CDH10: variants seen among roughly 807,000 people sequenced by gnomAD.
CDH10 encodes the protein cadherin-10.
In CDH10, 30 loss-of-function variants were observed where a neutral mutation model predicts 73.1. The ratio of observed to expected loss-of-function variants is 0.41; its 90% CI spans 0.31 to 0.56. CDH10 has a LOEUF of 0.56. Ranked by LOEUF, CDH10 falls within the 20% of genes least tolerant of loss-of-function variation. The pLI is 0.27. For synonymous variants in CDH10, 345 were observed against 348.2 expected (o/e 0.99, Z 0.10); for missense variants, 815 against 973.7 (o/e 0.84, Z 2.17).
At chr5:24,578,825 G>T (rs902940940) in intron 2 of CDH10, among the ~76,000 whole-genome samples, 7 of 152,090 alleles carry the variant, frequency 4.6e-5, no homozygotes, top group Admixed American at 2.0e-4. Flanking sequence ...CTGCCTACCT[G>T]ATTTTATGTG....
At chr5:24,623,110 T>G (rs150615312) in intron 1 of CDH10, among the ~76,000 whole-genome samples, 3 of 152,152 alleles carry the variant, frequency 2.0e-5, no homozygotes, top group Non-Finnish European at 4.4e-5. Flanking sequence ...CTTTGTGTCA[T>G]GCAGGAAGAA....
intron 1 of CDH10, among the ~76,000 whole-genome samples, chr5:24,618,088 T>C (rs1747183784): frequency 6.6e-6 from 1 of 152,190 alleles, no homozygotes; most frequent in African/African-American, 2.4e-5. Context: ...CATTTTTTGG[T>C]TTTCAGAATT....
At chr5:24,572,966 G>T (rs1369178147) in intron 2 of CDH10, among the ~76,000 whole-genome samples, 1 of 122,620 alleles carries the variant, frequency 8.2e-6, no homozygotes, top group Non-Finnish European at 1.8e-5. Flanking sequence ...AGGAGAAGAA[G>T]AGAAGACAGA....
chr5:24,605,656 G>T (rs1037098187), intron 1 of CDH10, among the ~76,000 whole-genome samples: 2 of 152,184 alleles, frequency 1.3e-5, no homozygotes, highest in Non-Finnish European at 2.9e-5. Flanking sequence ...AAACAAATTT[G>T]TGGTTCTTAA....
chr5:24,508,833 A>T (rs1368270643), intron 7 of CDH10, among the ~76,000 whole-genome samples: 1 of 152,178 alleles, frequency 6.6e-6, no homozygotes, highest in Non-Finnish European at 1.5e-5. Context: ...TTATAATTTT[A>T]AAACTTCTCT....
chr5:24,603,249 T>C (rs1282128250), intron 1 of CDH10, among the ~76,000 whole-genome samples: 2 of 152,180 alleles, frequency 1.3e-5, no homozygotes, highest in African/African-American at 4.8e-5. Flanking sequence ...ACATTTTCTC[T>C]TTGGAGTCTA....
intron 2 of CDH10, among the ~76,000 whole-genome samples, chr5:24,546,475 C>A (rs1446218211): frequency 6.6e-6 from 1 of 152,086 alleles, no homozygotes; most frequent in Non-Finnish European, 1.5e-5. Flanking sequence ...TTGCGTCCTC[C>A]CTCATGACAT....
At chr5:24,536,538 A>C (rs1393953527) in intron 3 of CDH10, among the ~76,000 whole-genome samples, 1 of 152,068 alleles carries the variant, frequency 6.6e-6, no homozygotes, top group Admixed American at 6.6e-5. Flanking sequence ...AGAAGTGTCT[A>C]TTCTCTTACC....
chr5:24,554,284 A>T, intron 2 of CDH10: 1 of 152,026 alleles, frequency 6.6e-6, no homozygotes, highest in Non-Finnish European at 1.5e-5. Context: ...GTTGTGCTAC[A>T]TTATTAAATT....
Position 24,593,283 on chromosome 5 carries a change from A to G in CDH10, c.208T>C (p.Ser70Pro), listed in dbSNP as rs1746260911. ...ACCTTGCCTACGTACTGATAATCAG[A>G]TCCTGTATATTCTTCAAGTAAGAAA... The part of the protein sequence containing the change: ...QFFLLEEYTG[S>P]DYQYVGKLHS... Residue 70 changes from serine (S) to proline (P), a missense_variant, in exon 2 of 12, where the codon TCT (serine) becomes CCT (proline). Physicochemically the swap from Ser to Pro is moderately conservative, Grantham distance 74. Coordinates refer to ENST00000264463, the MANE Select transcript of CDH10 (RefSeq NM_006727.5). The G allele has an allele frequency of 6.2e-7, 1 of 1,603,744 alleles. No homozygotes were observed. Among genetic ancestry groups the G allele is most frequent in the African/African-American group, 1.3e-5 (1 of 74,670 alleles).
intron 1 of CDH10, among the ~76,000 whole-genome samples, chr5:24,620,925 C>A (rs1256073936): frequency 6.6e-6 from 1 of 152,148 alleles, no homozygotes; most frequent in Non-Finnish European, 1.5e-5. Context: ...ATGGAAAACT[C>A]TTTTTAGTTC....
In CDH10 at chr5:24,541,950, A is replaced by T. The variant is rs150612340; in HGVS notation, c.232-4276T>A. Among the ~76,000 whole-genome samples the T allele has an allele frequency of 4.0e-3, 605 of 152,210 alleles. 3 individuals are homozygous for T. Among genetic ancestry groups the T allele is most frequent in the Non-Finnish European group, 6.6e-3 (448 of 67,968 alleles). ...GTTTAACTTTTTTATTCAGACATTTAATTGTAATACATTATTACATTTGTT... is the reference window on the plus strand; with the variant it reads ...GTTTAACTTTTTTATTCAGACATTTTATTGTAATACATTATTACATTTGTT... On this transcript the variant is annotated intron_variant, in intron 2 of 11. Transcript: ENST00000264463.
At chr5:24,530,533 T>C (rs1476499147) in intron 5 of CDH10, among the ~76,000 whole-genome samples, 1 of 151,974 alleles carries the variant, frequency 6.6e-6, no homozygotes, top group African/African-American at 2.4e-5. Context: ...ACCAGGCAGA[T>C]AGATTTAAAG....
chr5:24,609,232 T>C (rs1283535262), intron 1 of CDH10, among the ~76,000 whole-genome samples: 3 of 152,142 alleles, frequency 2.0e-5, no homozygotes, highest in Non-Finnish European at 4.4e-5. Flanking sequence ...ATGCAGATCA[T>C]CAAAGAGGGT....
At chr5:24,552,768 G>T (rs776759197) in intron 2 of CDH10, among the ~76,000 whole-genome samples, 2 of 150,956 alleles carry the variant, frequency 1.3e-5, no homozygotes, top group Non-Finnish European at 3.0e-5. Flanking sequence ...TTATTTTTCT[G>T]TGCTCCCTTT....
chr5:24,500,310 C>T (rs560228364), intron 8 of CDH10, among the ~76,000 whole-genome samples: 13 of 152,216 alleles, frequency 8.5e-5, no homozygotes, highest in African/African-American at 2.6e-4. Context: ...CAAGGCTGAG[C>T]GAGAATAAAG....
At chr5:24,552,711 C>A (rs1246646123) in intron 2 of CDH10, among the ~76,000 whole-genome samples, 1 of 151,984 alleles carries the variant, frequency 6.6e-6, no homozygotes, top group East Asian at 1.9e-4. Context: ...ATTTTTGTCA[C>A]CACTATTATT....
intron 2 of CDH10, among the ~76,000 whole-genome samples, chr5:24,580,152 A>G (rs1477356170): frequency 1.3e-5 from 2 of 152,096 alleles, no homozygotes; most frequent in African/African-American, 4.8e-5. Context: ...CTATTTTTTT[A>G]ACTTTTATTT....
chr5:24,551,372 G>A (rs1204949628), intron 2 of CDH10, among the ~76,000 whole-genome samples: 3 of 151,818 alleles, frequency 2.0e-5, no homozygotes, highest in African/African-American at 4.8e-5. Context: ...TTTAACAATT[G>A]GGTAATATAT....
Sources: allele counts gnomAD v4.1 joint callset (sites outside exome capture counted in the v4.1 genomes callset), GRCh38; gene constraint gnomAD v4.1.1; transcripts MANE v1.5; gene names NCBI Gene and HGNC (gene_info 2026-07-23, HGNC 2026-07-21).